ROBO1: variants seen among roughly 807,000 people sequenced by gnomAD.
ROBO1 encodes the protein roundabout homolog 1.
In ROBO1, 149 loss-of-function variants were observed where a neutral mutation model predicts 195.9. The ratio of observed to expected loss-of-function variants is 0.76; its 90% CI spans 0.67 to 0.87. The LOEUF (loss-of-function observed/expected upper bound fraction) is 0.87, where lower values mean the gene tolerates loss of function less well. Ranked by LOEUF, ROBO1 falls within the 40% of genes least tolerant of loss-of-function variation. The probability of loss-of-function intolerance (pLI) is 0.00; values close to 1 mark genes in which losing one functional copy is unlikely to be tolerated. For missense variants in ROBO1, 1,933 were observed against 2,068.3 expected, an observed-to-expected ratio of 0.93 and a Z score of 1.27; for synonymous variants, 816 against 733.2, an observed-to-expected ratio of 1.11 and a Z score of -1.82.
At chr3:79,217,167 A>G (rs186512208) in intron 2 of ROBO1, among the ~76,000 whole-genome samples, 7 of 152,218 alleles carry the variant, frequency 4.6e-5, no homozygotes, top group Non-Finnish European at 7.4e-5. Flanking sequence ...TGGTAATCCT[A>G]GTGGATGAAA....
chr3:79,304,364 T>G, intron 2 of ROBO1, among the ~76,000 whole-genome samples: 1 of 152,208 alleles, frequency 6.6e-6, no homozygotes, highest in Non-Finnish European at 1.5e-5. Context: ...AAAAATACTA[T>G]ATTGAGGTAT....
intron 4 of ROBO1, among the ~76,000 whole-genome samples, chr3:78,757,519 A>T (rs968912390): frequency 8.5e-5 from 13 of 152,126 alleles, no homozygotes; most frequent in Non-Finnish European, 1.6e-4. Flanking sequence ...TAGGAGAAGG[A>T]TTAAAAGGAG....
chr3:78,679,821 G>GA (rs1427124630), intron 10 of ROBO1, among the ~76,000 whole-genome samples: 26 of 151,970 alleles, frequency 1.7e-4, no homozygotes, highest in Admixed American at 2.6e-4. Context: ...CACAGAATTG[G>GA]AAAAAACTAC....
intron 2 of ROBO1, among the ~76,000 whole-genome samples, chr3:79,461,983 TAA>T (rs147754589): frequency 0.018 from 2,748 of 152,222 alleles, 49 homozygotes; most frequent in Non-Finnish European, 0.03. Flanking sequence ...ATTTATATAT[TAA>T]GTTAATATTG....
At chr3:79,351,210 T>G (rs1344319428) in intron 2 of ROBO1, among the ~76,000 whole-genome samples, 1 of 152,208 alleles carries the variant, frequency 6.6e-6, no homozygotes, top group Non-Finnish European at 1.5e-5. Context: ...GGCTTTATAG[T>G]TTTATGTTGC....
chr3:79,374,204 A>C (rs1021248121), intron 2 of ROBO1, among the ~76,000 whole-genome samples: 17 of 152,180 alleles, frequency 1.1e-4, no homozygotes, highest in African/African-American at 4.1e-4. Context: ...AGCTGAATTT[A>C]TCACCCAATT....
At chr3:78,715,960 T>C (rs1453453692) in intron 7 of ROBO1, among the ~76,000 whole-genome samples, 2 of 152,234 alleles carry the variant, frequency 1.3e-5, no homozygotes, top group African/African-American at 4.8e-5. Flanking sequence ...TGATATCTCA[T>C]AACTTCTCAT....
At chr3:78,906,765 G>A (rs1339425335) in intron 4 of ROBO1, among the ~76,000 whole-genome samples, 1 of 151,852 alleles carries the variant, frequency 6.6e-6, no homozygotes, top group Non-Finnish European at 1.5e-5. Flanking sequence ...GTAGAAAAAT[G>A]TAAATACTTA....
intron 2 of ROBO1, among the ~76,000 whole-genome samples, chr3:79,493,578 T>A (rs1042216912): frequency 1.3e-5 from 2 of 152,074 alleles, no homozygotes; most frequent in Non-Finnish European, 1.5e-5. Flanking sequence ...TAGGTGTTCA[T>A]TTTTACTGAA....
At chr3:79,725,129 A>G (rs1702857358) in intron 1 of ROBO1, among the ~76,000 whole-genome samples, 1 of 151,874 alleles carries the variant, frequency 6.6e-6, no homozygotes, top group African/African-American at 2.4e-5. Flanking sequence ...GACTTTGCCA[A>G]TGATACCTGG....
chr3:78,665,908 G>C (rs1347375946), intron 14 of ROBO1, among the ~76,000 whole-genome samples: 1 of 151,914 alleles, frequency 6.6e-6, no homozygotes, highest in East Asian at 1.9e-4. Flanking sequence ...ATTATACTTA[G>C]AGTGATGTGG....
intron 4 of ROBO1, among the ~76,000 whole-genome samples, chr3:78,850,191 T>C (rs2033966032): frequency 6.6e-6 from 1 of 152,180 alleles, no homozygotes. Context: ...TGTCAGAATG[T>C]ATCCCTGTCA....
intron 2 of ROBO1, among the ~76,000 whole-genome samples, chr3:79,530,305 C>T (rs529390372): frequency 1.3e-5 from 2 of 152,154 alleles, no homozygotes; most frequent in African/African-American, 2.4e-5. Flanking sequence ...TGAGGTACCA[C>T]CGACAATGAC....
At chr3:78,721,608 AG>A (rs2082046594) in intron 5 of ROBO1, among the ~76,000 whole-genome samples, 1 of 152,208 alleles carries the variant, frequency 6.6e-6, no homozygotes, top group African/African-American at 2.4e-5. Flanking sequence ...TTTAAGAGTG[AG>A]TAAGTGTTCA....
Position 78,871,384 on chromosome 3 carries a change from G to C in ROBO1, c.499+67217C>G, listed in dbSNP as rs2035534055. ...CTTTAGATTTTCATCTTATGCTTTA[G>C]GTTTTCATCCTTTCTATTGGTTTAT... On this transcript the variant is annotated intron_variant, in intron 4 of 30. Transcript: ENST00000464233. Among the ~76,000 whole-genome samples, 5 of 151,924 alleles carry C rather than the reference G, an allele frequency of 3.3e-5. No individual in the cohort carries two copies. In the South Asian group the frequency reaches 1.0e-3, roughly 32 times the overall value.
chr3:78,678,076 T>C (rs1192825993), intron 10 of ROBO1, among the ~76,000 whole-genome samples: 5 of 152,148 alleles, frequency 3.3e-5, no homozygotes. Flanking sequence ...GAATGACTAC[T>C]GGGTGCATAA....
intron 3 of ROBO1, chr3:79,018,404 T>C: frequency 6.2e-7 from 1 of 1,612,844 alleles, no homozygotes; most frequent in Non-Finnish European, 8.5e-7. Flanking sequence ...GACGCGGGGT[T>C]ACCTGAACAG....
intron 3 of ROBO1, among the ~76,000 whole-genome samples, chr3:79,122,059 A>C (rs1225611932): frequency 1.3e-5 from 2 of 152,012 alleles, no homozygotes; most frequent in Non-Finnish European, 2.9e-5. Flanking sequence ...CACTATATGC[A>C]CTTCCAGCAG....
At chr3:78,869,735 A>G (rs968008584) in intron 4 of ROBO1, among the ~76,000 whole-genome samples, 6 of 152,156 alleles carry the variant, frequency 3.9e-5, no homozygotes, top group Admixed American at 2.0e-4. Flanking sequence ...CTGGGGTTAC[A>G]TACATGGGCC....
Sources: allele counts gnomAD v4.1 joint callset (sites outside exome capture counted in the v4.1 genomes callset), GRCh38; gene constraint gnomAD v4.1.1; transcripts MANE v1.5; gene names NCBI Gene and HGNC (gene_info 2026-07-23, HGNC 2026-07-21).